Variants in AUTS2 observed in about 807,000 individuals in gnomAD.
AUTS2 encodes activator of transcription and developmental regulator AUTS2.
Under a neutral mutation model 112.4 loss-of-function variants are expected in AUTS2, and 17 were observed. The observed-to-expected ratio is 0.15, with a 90% CI of 0.10 to 0.23. The LOEUF (loss-of-function observed/expected upper bound fraction) is 0.23, where lower values mean the gene tolerates loss of function less well. Ranked by LOEUF, AUTS2 falls within the 10% of genes least tolerant of loss-of-function variation. The probability of loss-of-function intolerance (pLI) is 1.00; values close to 1 mark genes in which losing one functional copy is unlikely to be tolerated. For missense variants in AUTS2, 1,510 were observed against 1,701.6 expected, an observed-to-expected ratio of 0.89 and a Z score of 1.98; for synonymous variants, 751 against 702.7, an observed-to-expected ratio of 1.07 and a Z score of -1.09.
chr7:70,552,664 T>C (rs62455792), intron 5 of AUTS2, among the ~76,000 whole-genome samples: 8 of 152,346 alleles, frequency 5.3e-5, no homozygotes, highest in Non-Finnish European at 1.0e-4. Flanking sequence ...CCTACGGATT[T>C]AGACCTACAG....
At chr7:70,075,489 C>T (rs1325100028) in intron 2 of AUTS2, among the ~76,000 whole-genome samples, 2 of 152,036 alleles carry the variant, frequency 1.3e-5, no homozygotes, top group Admixed American at 1.3e-4. Context: ...ACATAAACTA[C>T]AAATACGTTA....
At chr7:70,449,870 C>T (rs532470016) in intron 5 of AUTS2, among the ~76,000 whole-genome samples, 11 of 152,200 alleles carry the variant, frequency 7.2e-5, no homozygotes, top group Admixed American at 3.9e-4. Flanking sequence ...ATTTTAAGTA[C>T]ACCTATAGTA....
chr7:70,310,023 A>G (rs946855499), intron 4 of AUTS2, among the ~76,000 whole-genome samples: 2 of 152,106 alleles, frequency 1.3e-5, no homozygotes, highest in African/African-American at 4.8e-5. Context: ...TAATGGCTCT[A>G]TTTCTATAGT....
At chr7:69,801,527 G>T (rs1038945335) in intron 1 of AUTS2, among the ~76,000 whole-genome samples, 2 of 149,958 alleles carry the variant, frequency 1.3e-5, no homozygotes, top group Non-Finnish European at 3.0e-5. Context: ...AGATATATAG[G>T]TATATATATG....
intron 1 of AUTS2, among the ~76,000 whole-genome samples, chr7:69,832,517 T>A (rs1791549515): frequency 6.6e-6 from 1 of 152,188 alleles, no homozygotes; most frequent in African/African-American, 2.4e-5. Flanking sequence ...ACTCCCCTGC[T>A]TCTCTCTCCC....
chr7:70,777,283 A>G (rs1373954734), intron 14 of AUTS2, 109 bp downstream of exon 14: 3 of 968,600 alleles, frequency 3.1e-6, no homozygotes, highest in Non-Finnish European at 4.9e-6. Flanking sequence ...TTACAGACCC[A>G]TAGTTAGGAA....
intron 1 of AUTS2, among the ~76,000 whole-genome samples, chr7:69,699,233 CA>C (rs1797693392): frequency 6.6e-6 from 1 of 152,008 alleles, no homozygotes. Context: ...AATATGATCC[CA>C]AAAGCAAAAT....
chr7:70,504,618 C>G (rs897989137), intron 5 of AUTS2, among the ~76,000 whole-genome samples: 1 of 152,154 alleles, frequency 6.6e-6, no homozygotes, highest in African/African-American at 2.4e-5. Flanking sequence ...ATATCAGTTA[C>G]TTGATTGGTA....
chr7:69,766,801 C>T (rs921082801), intron 1 of AUTS2, among the ~76,000 whole-genome samples: 1 of 152,244 alleles, frequency 6.6e-6, no homozygotes, highest in Non-Finnish European at 1.5e-5. Context: ...AGCTGAAATG[C>T]TCATCAGCTG....
chr7:70,515,724 A>T (rs908907703), intron 5 of AUTS2, among the ~76,000 whole-genome samples: 2 of 151,144 alleles, frequency 1.3e-5, no homozygotes, highest in Admixed American at 6.6e-5. Context: ...CTTTTTTTTT[A>T]AATTTTATTT....
At chr7:69,684,566 A>G (rs1355478716) in intron 1 of AUTS2, among the ~76,000 whole-genome samples, 1 of 152,232 alleles carries the variant, frequency 6.6e-6, no homozygotes, top group African/African-American at 2.4e-5. Flanking sequence ...GCTTGCAGCC[A>G]GTACATCAGA....
chr7:70,032,783 A>T (rs1800838424), intron 2 of AUTS2, among the ~76,000 whole-genome samples: 1 of 151,570 alleles, frequency 6.6e-6, no homozygotes, highest in Admixed American at 6.6e-5. Flanking sequence ...TCCTCCTCTA[A>T]CCTTCCCTGT....
intron 1 of AUTS2, among the ~76,000 whole-genome samples, chr7:69,850,480 G>A (rs1467759105): frequency 1.4e-5 from 2 of 139,232 alleles, no homozygotes; most frequent in Non-Finnish European, 3.0e-5. Flanking sequence ...ATTCCCAGCA[G>A]CAGTGTATGA....
At chr7:70,400,612 T>C (rs1034864322) in intron 4 of AUTS2, among the ~76,000 whole-genome samples, 2 of 152,160 alleles carry the variant, frequency 1.3e-5, no homozygotes, top group African/African-American at 4.8e-5. Flanking sequence ...TGTGCGACCA[T>C]GCCAAGCCGT....
intron 2 of AUTS2, among the ~76,000 whole-genome samples, chr7:70,109,336 C>T (rs1006398575): frequency 6.6e-6 from 1 of 152,032 alleles, no homozygotes; most frequent in African/African-American, 2.4e-5. Context: ...TTATTTTTTA[C>T]ATTGTGTATG....
intron 5 of AUTS2, among the ~76,000 whole-genome samples, chr7:70,691,866 T>G (rs913638370): frequency 2.2e-5 from 3 of 137,258 alleles, no homozygotes; most frequent in African/African-American, 8.2e-5. Context: ...TGGTAACCAT[T>G]GATGACAATT....
chr7:70,128,089 C>T (rs925284152), intron 3 of AUTS2, among the ~76,000 whole-genome samples: 1 of 152,142 alleles, frequency 6.6e-6, no homozygotes, highest in African/African-American at 2.4e-5. Flanking sequence ...CTAATCTCGA[C>T]CTGACAAGGA....
At chr7:70,623,477 A>G (rs1804779699) in intron 5 of AUTS2, among the ~76,000 whole-genome samples, 1 of 152,184 alleles carries the variant, frequency 6.6e-6, no homozygotes, top group Non-Finnish European at 1.5e-5. Context: ...TAATTTAGTT[A>G]CCATCAAATA....
intron 2 of AUTS2, among the ~76,000 whole-genome samples, chr7:70,067,587 T>G (rs906029648): frequency 1.3e-5 from 2 of 152,170 alleles, no homozygotes; most frequent in Non-Finnish European, 2.9e-5. Context: ...GGCTCACGCC[T>G]GTAATCCCAG....
Sources: allele counts gnomAD v4.1 joint callset (sites outside exome capture counted in the v4.1 genomes callset), GRCh38; gene constraint gnomAD v4.1.1; transcripts MANE v1.5; gene names NCBI Gene and HGNC (gene_info 2026-07-23, HGNC 2026-07-21).